Variants in ARHGEF28 observed in about 807,000 individuals in gnomAD.
The protein encoded by ARHGEF28 is 190 kDa guanine nucleotide exchange factor.
In ARHGEF28, 152 loss-of-function variants were observed where a neutral mutation model predicts 206.6. The ratio of observed to expected loss-of-function variants is 0.74; its 90% confidence interval spans 0.64 to 0.84. The LOEUF is 0.84. Ranked by LOEUF, ARHGEF28 falls within the 40% of genes least tolerant of loss-of-function variation. The pLI, the probability that ARHGEF28 is intolerant of heterozygous loss-of-function variation, is 0.00. For missense variants in ARHGEF28, 2,028 were observed against 2,073.2 expected, an observed-to-expected ratio of 0.98 and a Z score of 0.42; for synonymous variants, 763 against 776.4, an observed-to-expected ratio of 0.98 and a Z score of 0.29.
At chr5:73,939,127 T>C (rs1742410058) in intron 35 of ARHGEF28, among the ~76,000 whole-genome samples, 1 of 152,156 alleles carries the variant, frequency 6.6e-6, no homozygotes, top group Non-Finnish European at 1.5e-5. Flanking sequence ...ATCACGTGGC[T>C]GCCATCCTCT....
intron 2 of ARHGEF28, among the ~76,000 whole-genome samples, chr5:73,685,317 G>T (rs1197369880): frequency 2.0e-5 from 3 of 152,142 alleles, no homozygotes; most frequent in African/African-American, 7.2e-5. Context: ...GGGAGTTGGC[G>T]CTGGGGGGGA....
Position 73,844,040 on chromosome 5 carries a change from T to C in ARHGEF28, c.1428-2228T>C, listed in dbSNP as rs548395702. On this transcript the variant is annotated intron_variant, in intron 11 of 35. Coordinates refer to ENST00000513042, the MANE Select transcript of ARHGEF28 (RefSeq NM_001177693.2). The stretch of plus-strand genomic sequence containing the variant: ...ATGAATTGATTTCTTATCCCACTAC[T>C]GGGAATTAGAAAAATAATATCGTAA... Among the ~76,000 whole-genome samples, 157 of 152,332 alleles carry C rather than the reference T, an allele frequency of 1.0e-3. 1 individual carries two copies. Among genetic ancestry groups the C allele is most frequent in the Non-Finnish European group, 1.1e-3 (76 of 68,028 alleles).
chr5:73,759,863 G>A (rs1194159879), intron 4 of ARHGEF28, among the ~76,000 whole-genome samples: 1 of 152,226 alleles, frequency 6.6e-6, no homozygotes, highest in Non-Finnish European at 1.5e-5. Context: ...GGCAACAAGA[G>A]AAGGGAATAT....
chr5:73,891,012 A>G (rs1421200116), intron 26 of ARHGEF28, among the ~76,000 whole-genome samples: 1 of 152,242 alleles, frequency 6.6e-6, no homozygotes, highest in Admixed American at 6.5e-5. Flanking sequence ...CATGGCGTAC[A>G]TGCCAAATTT....
chr5:73,774,038 A>G lies in ARHGEF28; in HGVS notation c.659A>G (p.Asn220Ser). The G allele has an allele frequency of 6.3e-7, 1 of 1,584,344 alleles. No individual in the cohort carries two copies. The stretch of plus-strand genomic sequence containing the variant: ...TCCAAGCTGGTGGAAGACGTCACAA[A>G]GTGAGTTTAGCTACTTGATAGTCTC... ...GHSKLVEDVT[N>S]FQGRWSPSFS... Residue 220 changes from asparagine to serine, a missense_variant and splice_region_variant, in exon 5 of 36, where the codon AAT becomes AGT. Asn to Ser is a conservative substitution (Grantham distance 46). Coordinates refer to ENST00000513042, the MANE Select transcript of ARHGEF28 (RefSeq NM_001177693.2).
intron 2 of ARHGEF28, among the ~76,000 whole-genome samples, chr5:73,695,461 C>T (rs1054264850): frequency 3.9e-5 from 6 of 152,276 alleles, no homozygotes; most frequent in East Asian, 1.9e-4. Flanking sequence ...GCCCAGGCCT[C>T]GTCTTCCATT....
At chr5:73,911,001 T>C (rs891184000) in intron 34 of ARHGEF28, among the ~76,000 whole-genome samples, 1 of 152,244 alleles carries the variant, frequency 6.6e-6, no homozygotes, top group African/African-American at 2.4e-5. Context: ...AAACTGCTGC[T>C]TTCTCTGATT....
At chr5:73,641,921 C>T (rs1744133232) in intron 1 of ARHGEF28, among the ~76,000 whole-genome samples, 1 of 152,194 alleles carries the variant, frequency 6.6e-6, no homozygotes, top group African/African-American at 2.4e-5. Context: ...CATGCTACTA[C>T]CTCGAATTCC....
intron 22 of ARHGEF28, among the ~76,000 whole-genome samples, chr5:73,874,162 A>G (rs945717164): frequency 2.0e-5 from 3 of 152,138 alleles, no homozygotes; most frequent in Middle Eastern, 3.2e-3. Flanking sequence ...TTTGCCATCT[A>G]TATATCCCTT....
At chr5:73,861,167 C>T (rs748829070) in intron 16 of ARHGEF28, among the ~76,000 whole-genome samples, 4 of 152,180 alleles carry the variant, frequency 2.6e-5, no homozygotes, top group Admixed American at 2.0e-4. Flanking sequence ...GTGTAGGTCC[C>T]GAGTCACTCA....
chr5:73,668,061 T>C (rs1382997869), intron 1 of ARHGEF28, among the ~76,000 whole-genome samples: 1 of 152,170 alleles, frequency 6.6e-6, no homozygotes, highest in Non-Finnish European at 1.5e-5. Context: ...AGATTTATGC[T>C]CTCCATACGG....
At chr5:73,817,201 A>G (rs1756273693) in intron 9 of ARHGEF28, among the ~76,000 whole-genome samples, 1 of 152,150 alleles carries the variant, frequency 6.6e-6, no homozygotes, top group Admixed American at 6.5e-5. Flanking sequence ...CCCAGCTCAT[A>G]TCATATGCTG....
chr5:73,711,798 CT>C (rs1177349181), intron 2 of ARHGEF28, among the ~76,000 whole-genome samples: 2 of 150,780 alleles, frequency 1.3e-5, no homozygotes, highest in African/African-American at 4.9e-5. Context: ...AGTTTTATTT[CT>C]TTTATTCCTA....
At chr5:73,896,308 A>G (rs1211089315) in intron 29 of ARHGEF28, among the ~76,000 whole-genome samples, 2 of 152,172 alleles carry the variant, frequency 1.3e-5, no homozygotes, top group African/African-American at 4.8e-5. Flanking sequence ...TCACGTGTTT[A>G]AGGAAAGAAG....
At chr5:73,829,536 T>A (rs1382740032) in intron 9 of ARHGEF28, among the ~76,000 whole-genome samples, 2 of 152,072 alleles carry the variant, frequency 1.3e-5, no homozygotes, top group Non-Finnish European at 2.9e-5. Context: ...TGTGCCACCA[T>A]GCCCGGCTAA....
intron 2 of ARHGEF28, among the ~76,000 whole-genome samples, chr5:73,712,888 AT>A (rs540823375): frequency 5.9e-4 from 90 of 152,282 alleles, no homozygotes; most frequent in African/African-American, 2.0e-3. Context: ...TTGTTCTGGG[AT>A]TGGAGATCAT....
chr5:73,935,695 G>GC (rs934662476), intron 35 of ARHGEF28, among the ~76,000 whole-genome samples: 5 of 152,132 alleles, frequency 3.3e-5, no homozygotes, highest in African/African-American at 1.2e-4. Context: ...TAATGATAAA[G>GC]CCCCCCGCCT....
intron 10 of ARHGEF28, among the ~76,000 whole-genome samples, chr5:73,838,184 A>G (rs1757777277): frequency 6.6e-6 from 1 of 152,262 alleles, no homozygotes; most frequent in Non-Finnish European, 1.5e-5. Flanking sequence ...CAGATTGCCA[A>G]GTTGTGCATT....
At chr5:73,665,757 C>A (rs1745910780) in intron 1 of ARHGEF28, among the ~76,000 whole-genome samples, 1 of 151,990 alleles carries the variant, frequency 6.6e-6, no homozygotes, top group Admixed American at 6.6e-5. Context: ...GTCCTCATGA[C>A]CTAATCACCT....
Sources: allele counts gnomAD v4.1 joint callset (sites outside exome capture counted in the v4.1 genomes callset), GRCh38; gene constraint gnomAD v4.1.1; transcripts MANE v1.5; gene names NCBI Gene and HGNC (gene_info 2026-07-23, HGNC 2026-07-21).